The following RALY variants were observed in gnomAD, a reference collection of about 807,000 sequenced individuals.
RALY encodes RALY heterogeneous nuclear ribonucleoprotein.
A neutral mutation model predicts 30.7 loss-of-function variants in RALY; 15 were observed. That is an observed-to-expected ratio of 0.49 (90% CI 0.33 to 0.75). The LOEUF is 0.75. Ranked by LOEUF, RALY falls within the 30% of genes least tolerant of loss-of-function variation. The pLI is 0.02. For missense variants in RALY, 339 were observed against 414.3 expected, an observed-to-expected ratio of 0.82 and a Z score of 1.58; for synonymous variants, 177 against 170.8, an observed-to-expected ratio of 1.04 and a Z score of -0.28.
chr20:34,052,094 GTGTGTCTTCCTCAAAT>G (rs537528823), intron 2 of RALY, among the ~76,000 whole-genome samples: 3 of 152,212 alleles, frequency 2.0e-5, no homozygotes, highest in East Asian at 3.8e-4. Context: ...ATCTGTCCCA[GTGTGTCTTCCTCAAAT>G]TGTGTCTTCC....
intron 2 of RALY, among the ~76,000 whole-genome samples, chr20:34,057,043 A>G (rs1196042321): frequency 1.3e-5 from 2 of 152,232 alleles, no homozygotes; most frequent in Non-Finnish European, 2.9e-5. Context: ...TGATAAATCT[A>G]CTCAGGGAAA....
intron 1 of RALY, among the ~76,000 whole-genome samples, chr20:34,001,763 G>A (rs1408531215): frequency 6.6e-6 from 1 of 151,988 alleles, no homozygotes; most frequent in Non-Finnish European, 1.5e-5. Flanking sequence ...CTGAGAAATC[G>A]AATGTTGTTT....
At position 34,084,705 on chromosome 20, in the gene RALY, C is replaced by T. The variant is rs1568707560; in HGVS notation, c.*4800C>T. ...ATGCTGTGAAGCAGCCCAGGCCACA[C>T]AGAGAGGCCACGTGTACATGTTCAG... On this transcript the variant is annotated 3_prime_UTR_variant, in exon 10 of 10. Coordinates refer to ENST00000246194, the MANE Select transcript of RALY (RefSeq NM_016732.3). 1.3e-5 allele frequency: 2 copies of T among 152,286 alleles called. No homozygotes were observed. The highest frequency in any genetic ancestry group is 4.8e-5 in the African/African-American group (2 of 41,446). 9.4% of individuals were successfully genotyped at this position (152,286 alleles called of 1,614,324 possible).
At chr20:34,066,058 G>T (rs891943979) in intron 2 of RALY, among the ~76,000 whole-genome samples, 1 of 152,062 alleles carries the variant, frequency 6.6e-6, no homozygotes, top group Non-Finnish European at 1.5e-5. Flanking sequence ...GACAGCCATT[G>T]AGACAGTGGA....
At chr20:34,050,019 A>C (rs936991743) in intron 2 of RALY, among the ~76,000 whole-genome samples, 1 of 152,186 alleles carries the variant, frequency 6.6e-6, no homozygotes, top group Admixed American at 6.5e-5. Context: ...GCTGGACTCT[A>C]AACTTTTAAG....
intron 1 of RALY, among the ~76,000 whole-genome samples, chr20:34,012,292 G>C (rs540784079): frequency 1.5e-4 from 23 of 152,244 alleles, no homozygotes; most frequent in Non-Finnish European, 3.4e-4. Context: ...GTAATGTGCT[G>C]AGCCTCTTCT....
chr20:34,014,982 A>G, intron 1 of RALY: 1 of 152,218 alleles, frequency 6.6e-6, no homozygotes, highest in East Asian at 1.9e-4. Flanking sequence ...TGCTCTGGAA[A>G]TTTACTGGAA....
chr20:34,048,407 A>G (rs2032959085), intron 2 of RALY, among the ~76,000 whole-genome samples: 1 of 152,180 alleles, frequency 6.6e-6, no homozygotes, highest in Admixed American at 6.5e-5. Context: ...TAAGTCTCAT[A>G]TGCTTTTAAC....
Position 33,995,076 on chromosome 20 carries a change from A to G in RALY, c.-93+945A>G, listed in dbSNP as rs555876936. ...CTTAGTGCAGAGGGTATTTTTACCT[A>G]GCCTTGGGTCACACCATTTAATTAG... is the stretch of plus-strand genomic sequence containing the variant. On this transcript the variant is annotated intron_variant, in intron 1 of 9. Transcript: ENST00000246194. 2.0e-3 allele frequency among the ~76,000 whole-genome samples: 310 copies of G among 152,274 alleles called. 1 individual carries two copies. Among genetic ancestry groups the G allele is most frequent in the Non-Finnish European group, 2.9e-3 (198 of 68,022 alleles).
At chr20:34,038,729 A>G (rs1289319823) in intron 2 of RALY, among the ~76,000 whole-genome samples, 1 of 152,152 alleles carries the variant, frequency 6.6e-6, no homozygotes, top group African/African-American at 2.4e-5. Context: ...TGGGTCCTTG[A>G]TCTGACATTT....
intron 2 of RALY, among the ~76,000 whole-genome samples, chr20:34,057,410 G>A (rs1347448344): frequency 6.6e-6 from 1 of 152,212 alleles, no homozygotes; most frequent in African/African-American, 2.4e-5. Context: ...GCTCACGCCT[G>A]TAATCCCAGC....
intron 2 of RALY, among the ~76,000 whole-genome samples, chr20:34,052,042 G>C (rs1472265761): frequency 6.6e-6 from 1 of 152,212 alleles, no homozygotes; most frequent in Admixed American, 6.5e-5. Flanking sequence ...AAGTACTCCT[G>C]ATGCAAATCA....
intron 1 of RALY, chr20:34,017,875 A>G (rs1239086415): frequency 1.3e-5 from 2 of 152,216 alleles, no homozygotes; most frequent in African/African-American, 2.4e-5. Context: ...TGACCTCACA[A>G]TCTAGCATCA....
intron 2 of RALY, among the ~76,000 whole-genome samples, chr20:34,054,736 G>A (rs534705095): frequency 2.0e-5 from 3 of 151,728 alleles, no homozygotes; most frequent in African/African-American, 7.3e-5. Flanking sequence ...TGAGGCACAA[G>A]AATCGCTTGA....
At chr20:34,077,290 T>C (rs1416073297) in intron 8 of RALY, 45 bp downstream of exon 8, 1 of 1,608,596 alleles carries the variant, frequency 6.2e-7, no homozygotes, top group Non-Finnish European at 8.5e-7. Flanking sequence ...ACTGTGCTCC[T>C]ACTCTCAGGA....
chr20:34,011,587 A>G (rs1283026830), intron 1 of RALY, among the ~76,000 whole-genome samples: 1 of 152,144 alleles, frequency 6.6e-6, no homozygotes, highest in East Asian at 1.9e-4. Flanking sequence ...AACTAACCAT[A>G]AGCAGGAGTG....
At position 34,082,550 on chromosome 20, in the gene RALY, T is replaced by A. The variant is rs1167775830; in HGVS notation, c.*2645T>A. The stretch of plus-strand genomic sequence containing the variant: ...CCGTGAGAAAAGCAGGGAAGATACC[T>A]TCAAGGGTAGCAGGCATCAGCTCTA... On this transcript the variant is annotated 3_prime_UTR_variant, in exon 10 of 10. Coordinates refer to ENST00000246194, the MANE Select transcript of RALY (RefSeq NM_016732.3). 1 of 152,224 alleles carries A rather than the reference T, an allele frequency of 6.6e-6. No individual in the cohort carries two copies. Among genetic ancestry groups the A allele is most frequent in the African/African-American group, 2.4e-5 (1 of 41,434 alleles). 9.4% of individuals were successfully genotyped at this position (152,224 alleles called of 1,614,324 possible). A position where few individuals can be genotyped will look rare whatever the true frequency, so the allele number is the denominator to read the frequency against.
chr20:34,079,646 C>A (rs1465158117), intron 9 of RALY, among the ~76,000 whole-genome samples: 1 of 152,218 alleles, frequency 6.6e-6, no homozygotes, highest in African/African-American at 2.4e-5. Flanking sequence ...TCCTGCTACA[C>A]CCCTTTGTGC....
chr20:34,001,330 C>G (rs186360339), intron 1 of RALY, among the ~76,000 whole-genome samples: 1 of 152,346 alleles, frequency 6.6e-6, no homozygotes, highest in East Asian at 1.9e-4. Flanking sequence ...CAGAAACTTG[C>G]ATTTCCTAAG....
Sources: gnomAD v4.1 joint callset for allele counts (sites outside exome capture counted in the v4.1 genomes callset) on GRCh38, gnomAD v4.1.1 for gene constraint, MANE v1.5 for transcripts, NCBI Gene and HGNC (gene_info 2026-07-23, HGNC 2026-07-21) for gene names.